Variants in MYOM2 observed in about 807,000 individuals in gnomAD.
MYOM2 encodes myomesin-2.
A neutral mutation model predicts 187.6 loss-of-function variants in MYOM2; 254 were observed. That is an observed-to-expected ratio of 1.35 (90% CI 1.22 to 1.50). The LOEUF is 1.50. MYOM2 is among the 40% of genes most tolerant of loss of function. The probability of loss-of-function intolerance (pLI) is 0.00; values close to 1 mark genes in which losing one functional copy is unlikely to be tolerated. For synonymous variants in MYOM2, 981 were observed against 753.8 expected (o/e 1.30, Z -4.94); for missense variants, 2,796 against 1,924.0 (o/e 1.45, Z -8.48).
intron 32 of MYOM2, among the ~76,000 whole-genome samples, chr8:2,138,511 G>A (rs1798160525): frequency 1.3e-5 from 2 of 152,202 alleles, no homozygotes. Flanking sequence ...GGCAGATTAT[G>A]GGAAAAGGGA....
At chr8:2,083,328 C>A (rs1819693137) in intron 13 of MYOM2, among the ~76,000 whole-genome samples, 1 of 152,130 alleles carries the variant, frequency 6.6e-6, no homozygotes, top group Admixed American at 6.5e-5. Context: ...AGCAGTGTCT[C>A]ACGTGTGCTT....
At chr8:2,091,110 G>C (rs1044926071) in intron 15 of MYOM2, among the ~76,000 whole-genome samples, 4 of 132,510 alleles carry the variant, frequency 3.0e-5, no homozygotes, top group African/African-American at 1.1e-4. Flanking sequence ...CAGTGTTTAA[G>C]TGTTCCCTTT....
intron 28 of MYOM2, among the ~76,000 whole-genome samples, chr8:2,118,192 T>C (rs775204074): frequency 4.6e-5 from 7 of 152,060 alleles, no homozygotes; most frequent in African/African-American, 1.7e-4. Flanking sequence ...CAATGGAAGG[T>C]TGGATTATAA....
chr8:2,129,838 T>G (rs1220912632), intron 32 of MYOM2, among the ~76,000 whole-genome samples: 2 of 152,082 alleles, frequency 1.3e-5, no homozygotes, highest in East Asian at 3.9e-4. Flanking sequence ...AGCCGACATC[T>G]GAAACAACCA....
intron 16 of MYOM2, 100 bp downstream of exon 16, chr8:2,092,620 C>G (rs1796347238): frequency 7.8e-7 from 1 of 1,287,372 alleles, no homozygotes; most frequent in Admixed American, 2.6e-5. Flanking sequence ...GGCCGCAAGG[C>G]TTCTGCGTAA....
intron 23 of MYOM2, among the ~76,000 whole-genome samples, chr8:2,108,535 G>A (rs1296734605): frequency 1.3e-5 from 2 of 152,008 alleles, no homozygotes; most frequent in Non-Finnish European, 2.9e-5. Flanking sequence ...ACCTACCCCT[G>A]CCCCCAATTC....
Position 2,065,819 on chromosome 8 carries a change from G to T in MYOM2, c.654-3459G>T, listed in dbSNP as rs555952838. On this transcript the variant is annotated intron_variant, in intron 6 of 36. Transcript: ENST00000262113. ...ACCCATGAGTTAAGTGGCTGCGTAA[G>T]GTTCATGTTGGGCTTCGTGCCTGAC... Among the ~76,000 whole-genome samples the T allele has an allele frequency of 2.6e-5, 4 of 152,324 alleles. No homozygotes were observed. The South Asian group carries it at 8.3e-4, about 32-fold the overall frequency.
At chr8:2,077,936 T>C in intron 11 of MYOM2, among the ~76,000 whole-genome samples, 1 of 152,122 alleles carries the variant, frequency 6.6e-6, no homozygotes, top group East Asian at 1.9e-4. Context: ...GCCCATGACA[T>C]GTGGATCAGA....
chr8:2,120,680 T>TATATATAATA lies in MYOM2; in HGVS notation c.3454-2572_3454-2571insATATATAATA. ...CCTGTATATATATATATATATTATA[T>TATATATAATA]TATATATAAATATATAATATATATA... On this transcript the variant is annotated intron_variant, in intron 28 of 36. Coordinates refer to ENST00000262113, the MANE Select transcript of MYOM2 (RefSeq NM_003970.4). 2.3e-3 allele frequency among the ~76,000 whole-genome samples: 109 copies of TATATATAATA among 48,272 alleles called. 15 individuals are homozygous for TATATATAATA. Among genetic ancestry groups the TATATATAATA allele is most frequent in the African/African-American group, 3.3e-3 (50 of 15,254 alleles). The allele number at this position is 48,272 out of a possible 152,430, so 31.7% of individuals were successfully genotyped here.
intron 8 of MYOM2, among the ~76,000 whole-genome samples, chr8:2,070,781 A>G (rs1042269931): frequency 3.0e-4 from 45 of 152,230 alleles, no homozygotes; most frequent in African/African-American, 1.1e-3. Context: ...TCAAATTTAT[A>G]TAACACGACA....
intron 32 of MYOM2, among the ~76,000 whole-genome samples, chr8:2,134,381 A>C (rs950378163): frequency 2.0e-5 from 3 of 152,216 alleles, no homozygotes; most frequent in African/African-American, 7.2e-5. Context: ...GGAATACAAC[A>C]AAAGCCATGC....
chr8:2,119,959 G>C (rs147778675), intron 28 of MYOM2, among the ~76,000 whole-genome samples: 1 of 152,210 alleles, frequency 6.6e-6, no homozygotes, highest in South Asian at 2.1e-4. Context: ...ACTCTTTCCA[G>C]TGAAGGGTTG....
At chr8:2,105,332 C>T (rs1563058894) in intron 21 of MYOM2, among the ~76,000 whole-genome samples, 1 of 152,334 alleles carries the variant, frequency 6.6e-6, no homozygotes, top group Non-Finnish European at 1.5e-5. Context: ...TTCATGGCCT[C>T]AGTTCCACTC....
intron 1 of MYOM2, among the ~76,000 whole-genome samples, chr8:2,050,281 ACCTG>A (rs1194532297): frequency 6.6e-6 from 1 of 151,888 alleles, no homozygotes; most frequent in Non-Finnish European, 1.5e-5. Context: ...CTCAAATGTC[ACCTG>A]CCTCGTGGGC....
At chr8:2,143,576 G>T in intron 36 of MYOM2, 120 bp downstream of exon 36, 1 of 1,248,136 alleles carries the variant, frequency 8.0e-7, no homozygotes, top group South Asian at 1.2e-5. Flanking sequence ...CACTCAGCCT[G>T]CAGGGAACCC....
At chr8:2,119,269 G>T (rs759383101) in intron 28 of MYOM2, 1 of 152,376 alleles carries the variant, frequency 6.6e-6, no homozygotes, top group Non-Finnish European at 1.5e-5. Flanking sequence ...CCAAAGGACA[G>T]CCTTTAGAGA....
chr8:2,070,481 G>C (rs1819177004), intron 8 of MYOM2, among the ~76,000 whole-genome samples: 1 of 152,192 alleles, frequency 6.6e-6, no homozygotes, highest in African/African-American at 2.4e-5. Flanking sequence ...AGTCCAAAGT[G>C]AGCCTGGGGA....
At chr8:2,074,518 G>T (rs182873556) in intron 10 of MYOM2, among the ~76,000 whole-genome samples, 2 of 151,940 alleles carry the variant, frequency 1.3e-5, no homozygotes, top group Non-Finnish European at 2.9e-5. Context: ...GCAGTGGCGC[G>T]ACCTCGGCTC....
Position 2,129,115 on chromosome 8 carries a change from T to C in MYOM2, c.3695-12T>C. 2 of 1,591,866 alleles carry C rather than the reference T, an allele frequency of 1.3e-6. No homozygotes were observed. The highest frequency in any genetic ancestry group is 1.7e-6 in the Non-Finnish European group (2 of 1,161,020). On this transcript the variant is annotated splice_polypyrimidine_tract_variant and intron_variant, in intron 31 of 36. Transcript: ENST00000262113. ...CCTTTTCCTAGATCTGAGGATGTTT[T>C]ATTTTCTGCAGGGAAATCTGCTTCG... is the stretch of plus-strand genomic sequence containing the variant.
Sources: allele counts gnomAD v4.1 joint callset (sites outside exome capture counted in the v4.1 genomes callset), GRCh38; gene constraint gnomAD v4.1.1; transcripts MANE v1.5; gene names NCBI Gene and HGNC (gene_info 2026-07-23, HGNC 2026-07-21).